Variants in NELL2 observed in about 807,000 individuals in gnomAD.
NELL2 encodes the protein protein kinase C-binding protein NELL2.
In NELL2, 41 loss-of-function variants were observed where a neutral mutation model predicts 109.6. The observed-to-expected ratio is 0.37, with a 90% CI of 0.29 to 0.49. The LOEUF (loss-of-function observed/expected upper bound fraction) is 0.49. Among genes scored for constraint, NELL2 ranks in the 20% least tolerant of loss-of-function variants. The pLI is 0.98. For synonymous variants in NELL2, 355 were observed against 344.7 expected (o/e 1.03, Z -0.33); for missense variants, 900 against 1,008.3 (o/e 0.89, Z 1.45).
At chr12:44,718,940 A>C (rs1340632584) in intron 9 of NELL2, among the ~76,000 whole-genome samples, 1 of 152,188 alleles carries the variant, frequency 6.6e-6, no homozygotes, top group Non-Finnish European at 1.5e-5. Context: ...TGCACAGTCT[A>C]TTCAGTTATA....
At chr12:44,888,851 T>A (rs981242746) in intron 1 of NELL2, among the ~76,000 whole-genome samples, 22 of 151,290 alleles carry the variant, frequency 1.5e-4, no homozygotes, top group Middle Eastern at 3.4e-3. Flanking sequence ...AAAAAAAAAA[T>A]AAATAAATAA....
intron 9 of NELL2, among the ~76,000 whole-genome samples, chr12:44,746,490 C>G (rs1940363934): frequency 6.6e-6 from 1 of 152,162 alleles, no homozygotes; most frequent in African/African-American, 2.4e-5. Flanking sequence ...GCAAAAGAAA[C>G]TACCATCAGA....
At chr12:44,742,418 A>T (rs1249546880) in intron 9 of NELL2, among the ~76,000 whole-genome samples, 2 of 152,242 alleles carry the variant, frequency 1.3e-5, no homozygotes, top group African/African-American at 4.8e-5. Flanking sequence ...CCTCCAAAGG[A>T]ACGCAGCTCC....
intron 2 of NELL2, among the ~76,000 whole-genome samples, chr12:44,863,922 G>C (rs1944913708): frequency 6.6e-6 from 1 of 152,112 alleles, no homozygotes; most frequent in Non-Finnish European, 1.5e-5. Context: ...TAAAATGTAG[G>C]CAGGGAGTTG....
intron 13 of NELL2, among the ~76,000 whole-genome samples, chr12:44,644,212 TAC>T (rs1187059105): frequency 2.0e-5 from 3 of 151,782 alleles, no homozygotes; most frequent in Non-Finnish European, 4.4e-5. Context: ...AAGAAAAAAA[TAC>T]AGACAAAATA....
At chr12:44,920,423 A>G (rs2136899868) in intron 1 of NELL2, among the ~76,000 whole-genome samples, 1 of 152,292 alleles carries the variant, frequency 6.6e-6, no homozygotes, top group East Asian at 1.9e-4. Flanking sequence ...AAGATGTGGA[A>G]GAAGATGTTT....
chr12:44,900,423 C>T (rs140522097), intron 1 of NELL2, among the ~76,000 whole-genome samples: 177 of 152,220 alleles, frequency 1.2e-3, no homozygotes, highest in African/African-American at 3.8e-3. Context: ...TCTTAGACCA[C>T]GGTGCAATGA....
At chr12:44,644,689 T>TA (rs1203280541) in intron 13 of NELL2, among the ~76,000 whole-genome samples, 2 of 147,874 alleles carry the variant, frequency 1.4e-5, no homozygotes, top group Non-Finnish European at 3.0e-5. Flanking sequence ...ACCTTTTTTT[T>TA]ATTCCTTAGA....
At position 44,883,702 on chromosome 12, in the gene NELL2, A is replaced by G. The variant is rs112322270; in HGVS notation, c.39-7802T>C. Among the ~76,000 whole-genome samples the G allele has an allele frequency of 1.7e-3, 258 of 152,182 alleles. 4 individuals are homozygous for G. Among genetic ancestry groups the G allele is most frequent in the African/African-American group, 5.9e-3 (245 of 41,430 alleles). On this transcript the variant is annotated intron_variant, in intron 1 of 20. Transcript: ENST00000333837. ...AAGATATGAGAATAAAGGGACCGATATAATGGTAAGGTTTCCACATTCCAA... is the reference window on the plus strand; with the variant it reads ...AAGATATGAGAATAAAGGGACCGATGTAATGGTAAGGTTTCCACATTCCAA...
At chr12:44,573,293 C>G (rs1453372221) in intron 15 of NELL2, among the ~76,000 whole-genome samples, 1 of 152,162 alleles carries the variant, frequency 6.6e-6, no homozygotes, top group Non-Finnish European at 1.5e-5. Context: ...AGGAGAAAAT[C>G]TGGACCAAAC....
At chr12:44,821,885 T>TTTTA (rs199661897) in intron 2 of NELL2, among the ~76,000 whole-genome samples, 15,927 of 141,212 alleles carry the variant, frequency 0.11, 1,040 homozygotes, top group East Asian at 0.22. Context: ...GCCCGGCTGG[T>TTTTA]TTTATTTATT....
chr12:44,562,751 C>T (rs565125763), intron 15 of NELL2, among the ~76,000 whole-genome samples: 1 of 152,290 alleles, frequency 6.6e-6, no homozygotes, highest in Non-Finnish European at 1.5e-5. Flanking sequence ...TTGTGGAAGG[C>T]CATGTGGCAA....
intron 15 of NELL2, among the ~76,000 whole-genome samples, chr12:44,600,238 G>T (rs1966855): frequency 0.63 from 94,649 of 149,636 alleles, 31,958 homozygotes; most frequent in African/African-American, 0.89. Flanking sequence ...CTGGATCTCC[G>T]GACCTCGTGA....
intron 14 of NELL2, among the ~76,000 whole-genome samples, chr12:44,608,340 G>C (rs1347009276): frequency 6.6e-6 from 1 of 151,976 alleles, no homozygotes; most frequent in Non-Finnish European, 1.5e-5. Context: ...GAGTCCATTT[G>C]GCTTCTTTGG....
At chr12:44,738,827 AAAAG>A (rs1939787750) in intron 9 of NELL2, among the ~76,000 whole-genome samples, 1 of 152,234 alleles carries the variant, frequency 6.6e-6, no homozygotes, top group Non-Finnish European at 1.5e-5. Context: ...TCTGATCATA[AAAAG>A]GTAAATATGT....
intron 15 of NELL2, among the ~76,000 whole-genome samples, chr12:44,579,903 G>C (rs1944262055): frequency 6.6e-6 from 1 of 152,158 alleles, no homozygotes; most frequent in Non-Finnish European, 1.5e-5. Context: ...TTCTGAGAGA[G>C]TGCATCAAAT....
At position 44,909,139 on chromosome 12, in the gene NELL2, T is replaced by C. The variant is rs1458326848; in HGVS notation, c.38+4660A>G. Reference sequence around the variant, plus strand: ...TAAATAGGAAAAAAAGAAATTCAACTATGTCTCTTTACTGATGATATGATT... The same window carrying C: ...TAAATAGGAAAAAAAGAAATTCAACCATGTCTCTTTACTGATGATATGATT... On this transcript the variant is annotated intron_variant, in intron 1 of 20. Transcript: ENST00000333837. Among the ~76,000 whole-genome samples the C allele has an allele frequency of 6.6e-5, 10 of 152,032 alleles. No individual in the cohort carries two copies. In the East Asian group the frequency reaches 1.7e-3, roughly 26 times the overall value.
intron 11 of NELL2, among the ~76,000 whole-genome samples, chr12:44,707,253 A>G (rs1937936773): frequency 6.6e-6 from 1 of 152,126 alleles, no homozygotes; most frequent in South Asian, 2.1e-4. Flanking sequence ...TATCTACTTC[A>G]AGCTAATGAA....
intron 13 of NELL2, among the ~76,000 whole-genome samples, chr12:44,626,083 A>AAT (rs1343488320): frequency 6.6e-6 from 1 of 152,256 alleles, no homozygotes; most frequent in South Asian, 2.1e-4. Context: ...AAAAAATGAC[A>AAT]ATATATATAT....
Sources: allele counts gnomAD v4.1 joint callset (sites outside exome capture counted in the v4.1 genomes callset), GRCh38; gene constraint gnomAD v4.1.1; transcripts MANE v1.5; gene names NCBI Gene and HGNC (gene_info 2026-07-23, HGNC 2026-07-21).